LTV1: variants seen among roughly 807,000 people sequenced by gnomAD.
The protein encoded by LTV1 is LTV1 ribosome biogenesis factor, also known as protein LTV1 homolog.
A neutral mutation model predicts 59.9 loss-of-function variants in LTV1; 39 were observed. That is an observed-to-expected ratio of 0.65 (90% confidence interval 0.50 to 0.85). The LOEUF is 0.85. Among genes scored for constraint, LTV1 ranks in the 40% least tolerant of loss-of-function variants. LTV1 has a pLI of 0.00. For missense variants in LTV1, 493 were observed against 549.1 expected (o/e 0.90, Z 1.02); for synonymous variants, 171 against 189.5 (o/e 0.90, Z 0.80).
chr6:143,854,476 C>G (rs115671943), intron 4 of LTV1, among the ~76,000 whole-genome samples: 8,719 of 151,874 alleles, frequency 0.057, 263 homozygotes, highest in African/African-American at 0.085. Context: ...TTAGTTATGT[C>G]TTGTCTTCTA....
chr6:143,862,491 CAGG>C lies in LTV1; in HGVS notation c.1063+251_1063+253del, dbSNP rs1777182628. 2.0e-5 allele frequency among the ~76,000 whole-genome samples: 3 copies of C among 152,090 alleles called. No homozygotes were observed. The highest frequency in any genetic ancestry group is 2.0e-4 in the Admixed American group (3 of 15,282). On this transcript the variant is annotated intron_variant, in intron 8 of 10. Transcript: ENST00000367576. The surrounding 1 kb of genome is among the most constrained non-coding windows in gnomAD (Gnocchi z 4.2). ...ATCCCAGCTGCTCGAGAGGCTGAGGCAGGAGAATAGCTTGAACCTGGGAGGCAG... is the reference window on the plus strand; with the variant it reads ...ATCCCAGCTGCTCGAGAGGCTGAGGCAGAATAGCTTGAACCTGGGAGGCAG...
intron 4 of LTV1, among the ~76,000 whole-genome samples, chr6:143,856,381 T>C (rs950179633): frequency 2.0e-5 from 3 of 152,222 alleles, no homozygotes; most frequent in Admixed American, 6.5e-5. Context: ...GGTTAGAACA[T>C]GCTCCTTTAG....
chr6:143,843,943 T>G (rs1000147197), intron 1 of LTV1, among the ~76,000 whole-genome samples: 1 of 152,198 alleles, frequency 6.6e-6, no homozygotes, highest in Admixed American at 6.5e-5. Flanking sequence ...GTTTCCCAGT[T>G]TAGAGAATCA....
chr6:143,852,078 G>A (rs10080671), intron 4 of LTV1, among the ~76,000 whole-genome samples: 3,304 of 152,204 alleles, frequency 0.022, 120 homozygotes, highest in African/African-American at 0.074. Flanking sequence ...TTATCCTTTG[G>A]GTATGTACCC....
chr6:143,857,086 T>C lies in LTV1; in HGVS notation c.398-217T>C, dbSNP rs1360163751. ...CCCAGGAAGATGGGAGTTTTATTTA[T>C]AAGGTCCTGACTGGGGCTGAGGCAG... On this transcript the variant is annotated intron_variant, in intron 4 of 10. Coordinates refer to ENST00000367576, the MANE Select transcript of LTV1 (RefSeq NM_032860.5). This position sits in a 1 kb window ranked among gnomAD's most constrained non-coding sequence, Gnocchi z 5.2. Among the ~76,000 whole-genome samples the C allele has an allele frequency of 2.0e-5, 3 of 152,230 alleles. No individual in the cohort carries two copies. Among genetic ancestry groups the C allele is most frequent in the Non-Finnish European group, 4.4e-5 (3 of 68,040 alleles).
chr6:143,857,859 T>C lies in LTV1; in HGVS notation c.647T>C (p.Met216Thr). 6.2e-7 allele frequency: 1 copy of C among 1,614,138 alleles called. No individual in the cohort carries two copies. The highest frequency in any genetic ancestry group is 1.1e-5 in the South Asian group (1 of 91,082). Residue 216 changes from methionine (M) to threonine (T), a missense_variant, in exon 6 of 11, where the codon ATG becomes ACG. Transcript: ENST00000367576. This position sits in a 1 kb window ranked among gnomAD's most constrained non-coding sequence, Gnocchi z 5.2. ...GGCCTATTGTCAGATGAAGACTGTA[T>C]GTCTGTGCCCGGAAAAACTCACAGA... ...SAGLLSDEDCMSVPGKTHRAI... is the reference protein window; with the variant it reads ...SAGLLSDEDCTSVPGKTHRAI...
intron 4 of LTV1, among the ~76,000 whole-genome samples, chr6:143,851,908 CT>C (rs1005431033): frequency 6.6e-6 from 1 of 152,064 alleles, no homozygotes; most frequent in Non-Finnish European, 1.5e-5. Flanking sequence ...TGAACGTGTC[CT>C]TTTTTATGGC....
At position 143,857,183 on chromosome 6, in the gene LTV1, C is replaced by T. The variant is rs977442343; in HGVS notation, c.398-120C>T. The T allele has an allele frequency of 2.6e-5, 31 of 1,201,412 alleles. No homozygotes were observed. The highest frequency in any genetic ancestry group is 1.6e-4 in the East Asian group (7 of 42,624). 74.4% of individuals were successfully genotyped at this position (1,201,412 alleles called of 1,614,324 possible). A position where few individuals can be genotyped will look rare whatever the true frequency, so the allele number is the denominator to read the frequency against. ...CACTAGACTGAACTTAGTTCTTAAT[C>T]GTTCTTTTATCCTCAATATATTAAT... is the stretch of plus-strand genomic sequence containing the variant. On this transcript the variant is annotated intron_variant, in intron 4 of 10. Coordinates refer to ENST00000367576, the MANE Select transcript of LTV1 (RefSeq NM_032860.5). This position sits in a 1 kb window ranked among gnomAD's most constrained non-coding sequence, Gnocchi z 5.2.
rs750274095 is a variant in LTV1, at chr6:143,862,046, AT to A, written c.924-57del. ...AAAATTGCAGTTTTAGTGACATAGTATAATAATAGGTCATTTTTCCCCCTCT... is the reference window on the plus strand; with the variant it reads ...AAAATTGCAGTTTTAGTGACATAGTAAATAATAGGTCATTTTTCCCCCTCT... On this transcript the variant is annotated intron_variant, in intron 7 of 10. Coordinates refer to ENST00000367576, the MANE Select transcript of LTV1 (RefSeq NM_032860.5). This position sits in a 1 kb window ranked among gnomAD's most constrained non-coding sequence, Gnocchi z 4.2. 132 of 1,563,958 alleles carry A rather than the reference AT, an allele frequency of 8.4e-5. 1 individual carries two copies. The highest frequency in any genetic ancestry group is 3.4e-4 in the Middle Eastern group (2 of 5,856).
At chr6:143,844,098 C>T (rs961824292) in intron 1 of LTV1, among the ~76,000 whole-genome samples, 23 of 152,190 alleles carry the variant, frequency 1.5e-4, no homozygotes, top group Non-Finnish European at 2.9e-5. Flanking sequence ...GGCTTCTTGT[C>T]ATTCTAGTTC....
rs1777183737 is a variant in LTV1 at position 143,862,553 on chromosome 6, T to TC, written c.1064-289dup. 6.6e-6 allele frequency among the ~76,000 whole-genome samples: 1 copy of TC among 152,054 alleles called. No individual in the cohort carries two copies. The highest frequency in any genetic ancestry group is 2.4e-5 in the African/African-American group (1 of 41,390). ...ATGAGCCGAGATCATGCCATTGCAC[T>TC]CCAACCTGGGCAACAAGAGCAAAAC... On this transcript the variant is annotated intron_variant, in intron 8 of 10. Coordinates refer to ENST00000367576, the MANE Select transcript of LTV1 (RefSeq NM_032860.5). The surrounding 1 kb of genome is among the most constrained non-coding windows in gnomAD (Gnocchi z 4.2).
rs1776855489 is a variant in LTV1, at chr6:143,844,490, AC to A, written c.9del (p.His3GlnfsTer8). The A allele has an allele frequency of 8.7e-6, 14 of 1,612,918 alleles. No homozygotes were observed. The highest frequency in any genetic ancestry group is 1.3e-5 in the African/African-American group (1 of 74,902). On this transcript the variant is annotated frameshift_variant, in exon 2 of 11. Transcript: ENST00000367576. LOFTEE classifies it high-confidence loss of function. The stretch of plus-strand genomic sequence containing the variant: ...TGTGATTTTGTTCCTTTGAAGCCTC[AC>A]AGGAAGAAAAAGCCCTTTATAGAGA... MPHRKKKPFIEKK... is the reference protein window; with the variant it reads MPXRKKKPFIEKK...
At position 143,855,541 on chromosome 6, in the gene LTV1, A is replaced by C. The variant is rs1353357460; in HGVS notation, c.398-1762A>C. On this transcript the variant is annotated intron_variant, in intron 4 of 10. Coordinates refer to ENST00000367576, the MANE Select transcript of LTV1 (RefSeq NM_032860.5). The surrounding 1 kb of genome is among the most constrained non-coding windows in gnomAD (Gnocchi z 4.6). ...TTTATGCAGTTTCTTCTTAGTATCG[A>C]TGGTCTTTACTGTTTGGTACGTTTT... Among the ~76,000 whole-genome samples the C allele has an allele frequency of 6.6e-6, 1 of 152,052 alleles. No individual in the cohort carries two copies. Among genetic ancestry groups the C allele is most frequent in the Non-Finnish European group, 1.5e-5 (1 of 67,998 alleles).
intron 3 of LTV1, among the ~76,000 whole-genome samples, chr6:143,848,660 A>T (rs1776933768): frequency 6.6e-6 from 1 of 152,180 alleles, no homozygotes; most frequent in South Asian, 2.1e-4. Flanking sequence ...AGGAGAGGAA[A>T]CAAGCATAAG....
intron 4 of LTV1, among the ~76,000 whole-genome samples, chr6:143,856,479 C>G (rs573481343): frequency 1.3e-5 from 2 of 152,122 alleles, no homozygotes; most frequent in African/African-American, 4.8e-5. Context: ...GTTCCCTTGC[C>G]GGCGAGGAGT....
rs891507340 is a variant in LTV1, at chr6:143,862,635, G to T, written c.1064-209G>T. ...AAAAAATACATATATTTTAATAAGA[G>T]TTAGGCTTTTAGGAAATTTGTGAAA... is the stretch of plus-strand genomic sequence containing the variant. On this transcript the variant is annotated intron_variant, in intron 8 of 10. Coordinates refer to ENST00000367576, the MANE Select transcript of LTV1 (RefSeq NM_032860.5). This position sits in a 1 kb window ranked among gnomAD's most constrained non-coding sequence, Gnocchi z 4.2. Among the ~76,000 whole-genome samples, 1 of 152,134 alleles carries T rather than the reference G, an allele frequency of 6.6e-6. No individual in the cohort carries two copies. Among genetic ancestry groups the T allele is most frequent in the Non-Finnish European group, 1.5e-5 (1 of 68,030 alleles).
intron 3 of LTV1, among the ~76,000 whole-genome samples, chr6:143,847,997 A>T (rs1776920517): frequency 6.6e-6 from 1 of 152,228 alleles, no homozygotes; most frequent in South Asian, 2.1e-4. Context: ...TGAAAGAAAG[A>T]TGGTGGTGCT....
In LTV1 at chr6:143,843,463, C is replaced by T; in HGVS notation, c.-15C>T. ...TCGCCGCCCCTGTTGGGGGTGAGCG[C>T]CGCGCGGCTGCAGCATGGTGAGCAA... On this transcript the variant is annotated 5_prime_UTR_variant, in exon 1 of 11. Transcript: ENST00000367576. 1 of 1,613,342 alleles carries T rather than the reference C, an allele frequency of 6.2e-7. No homozygotes were observed. The highest frequency in any genetic ancestry group is 8.5e-7 in the Non-Finnish European group (1 of 1,179,964).
Position 143,851,575 on chromosome 6 carries a change from A to T in LTV1, c.397+1357A>T, listed in dbSNP as rs973297972. On this transcript the variant is annotated intron_variant, in intron 4 of 10. Transcript: ENST00000367576. The stretch of plus-strand genomic sequence containing the variant: ...AAGGAGAAGCATCATTTCTTTTTTC[A>T]TTTTTTTTTTTAAATTATACTTTAA... Among the ~76,000 whole-genome samples, 7 of 147,410 alleles carry T rather than the reference A, an allele frequency of 4.7e-5. No individual in the cohort carries two copies. In the Admixed American group the frequency reaches 4.8e-4, roughly 10 times the overall value.
Sources: gnomAD v4.1 joint callset for allele counts (sites outside exome capture counted in the v4.1 genomes callset) on GRCh38, gnomAD v4.1.1 for gene constraint, Gnocchi (gnomAD v3.1) non-coding constraint, MANE v1.5 for transcripts, NCBI Gene and HGNC (gene_info 2026-07-23, HGNC 2026-07-21) for gene names.